Variants in IQCM observed in about 807,000 individuals in gnomAD.
IQCM encodes IQ domain-containing protein M.
Under a neutral mutation model 57.6 loss-of-function variants are expected in IQCM, and 45 were observed. That is an observed-to-expected ratio of 0.78 (90% CI 0.62 to 1.00). The LOEUF (loss-of-function observed/expected upper bound fraction) is 1.00, where lower values mean the gene tolerates loss of function less well. Among genes scored for constraint, IQCM ranks in the 50% least tolerant of loss-of-function variants. The pLI is 0.00. For missense variants in IQCM, 468 were observed against 511.6 expected (o/e 0.91, Z 0.82); for synonymous variants, 148 against 158.9 (o/e 0.93, Z 0.51).
chr4:149,726,103 GAAA>G (rs1765887036), intron 5 of IQCM, among the ~76,000 whole-genome samples: 1 of 142,550 alleles, frequency 7.0e-6, no homozygotes, highest in Non-Finnish European at 1.5e-5. Context: ...AAGAAAGAAA[GAAA>G]GAAAGAAAGA....
chr4:149,662,919 G>A (rs903213675), intron 7 of IQCM, among the ~76,000 whole-genome samples: 1 of 151,852 alleles, frequency 6.6e-6, no homozygotes, highest in Non-Finnish European at 1.5e-5. Flanking sequence ...ATTATTGATA[G>A]ATAAGAACTT....
Position 149,691,279 on chromosome 4 carries a change from T to C in IQCM, c.386-4811A>G, listed in dbSNP as rs574063216. 5.3e-4 allele frequency among the ~76,000 whole-genome samples: 81 copies of C among 152,260 alleles called. 1 individual carries two copies. In the South Asian group the frequency reaches 0.015, roughly 28 times the overall value. On this transcript the variant is annotated intron_variant, in intron 5 of 13. Coordinates refer to ENST00000636793, the MANE Select transcript of IQCM (RefSeq NM_001363507.2). ...TTAGACCATTAGCAATAGGTAGAGA[T>C]GATATTCAAACCCAGGCAGATAGCC... is the stretch of plus-strand genomic sequence containing the variant.
At chr4:149,489,274 T>C (rs929050231) in intron 12 of IQCM, among the ~76,000 whole-genome samples, 3 of 152,104 alleles carry the variant, frequency 2.0e-5, no homozygotes, top group Admixed American at 6.6e-5. Flanking sequence ...ATGTCCAGCA[T>C]AGTCTTCTCA....
chr4:149,474,156 A>G (rs983911590), intron 12 of IQCM, among the ~76,000 whole-genome samples: 2 of 150,726 alleles, frequency 1.3e-5, no homozygotes, highest in Non-Finnish European at 3.0e-5. Context: ...TTGCTAGTCA[A>G]AAAAAAAAGA....
chr4:149,465,126 A>G (rs771886418), intron 12 of IQCM, among the ~76,000 whole-genome samples: 2 of 152,240 alleles, frequency 1.3e-5, no homozygotes, highest in African/African-American at 2.4e-5. Context: ...TATGTCAAGA[A>G]AAATGATATT....
chr4:149,598,364 A>G (rs1300238148), intron 8 of IQCM, among the ~76,000 whole-genome samples: 1 of 152,186 alleles, frequency 6.6e-6, no homozygotes, highest in Non-Finnish European at 1.5e-5. Context: ...TTAAGGTAAA[A>G]TACATTAAAA....
intron 7 of IQCM, among the ~76,000 whole-genome samples, chr4:149,668,245 G>C (rs1197056825): frequency 6.6e-6 from 1 of 152,132 alleles, no homozygotes; most frequent in Non-Finnish European, 1.5e-5. Context: ...GAAACCCTAC[G>C]AGCCAGAAGA....
chr4:149,588,187 C>A (rs530503528), intron 8 of IQCM, among the ~76,000 whole-genome samples, 190 bp from the exon 9 acceptor site: 10 of 151,766 alleles, frequency 6.6e-5, no homozygotes, highest in Admixed American at 1.3e-4. Context: ...CCTTCAGAAC[C>A]TTTTAGCACC....
intron 5 of IQCM, among the ~76,000 whole-genome samples, chr4:149,715,922 C>A (rs999897450): frequency 1.3e-5 from 2 of 152,170 alleles, no homozygotes; most frequent in African/African-American, 4.8e-5. Context: ...GTCCTCTGTC[C>A]AAGTCTGGCT....
At chr4:149,474,141 T>A (rs961426928) in intron 12 of IQCM, among the ~76,000 whole-genome samples, 2 of 147,444 alleles carry the variant, frequency 1.4e-5, no homozygotes, top group African/African-American at 2.5e-5. Flanking sequence ...AATAAATAAA[T>A]AAGATTGCTA....
At chr4:149,433,899 T>C (rs1735107596) in intron 12 of IQCM, among the ~76,000 whole-genome samples, 1 of 152,062 alleles carries the variant, frequency 6.6e-6, no homozygotes, top group Non-Finnish European at 1.5e-5. Context: ...TATTTAACAA[T>C]GGAATCAGAC....
At chr4:149,789,458 A>G (rs2150026107) in intron 2 of IQCM, among the ~76,000 whole-genome samples, 1 of 152,170 alleles carries the variant, frequency 6.6e-6, no homozygotes, top group East Asian at 1.9e-4. Context: ...CAGTCATTCC[A>G]TTTTAATGGT....
chr4:149,630,126 C>T (rs997355790), intron 7 of IQCM, among the ~76,000 whole-genome samples: 2 of 152,154 alleles, frequency 1.3e-5, no homozygotes, highest in African/African-American at 2.4e-5. Flanking sequence ...AGTGAAAACT[C>T]TTGATTAAGA....
intron 7 of IQCM, among the ~76,000 whole-genome samples, chr4:149,643,430 T>TTC (rs1397253154): frequency 6.6e-6 from 1 of 152,174 alleles, no homozygotes; most frequent in Non-Finnish European, 1.5e-5. Context: ...ACAAAGCAAC[T>TTC]CTACCAGAGG....
At chr4:149,507,402 C>T (rs1416244458) in intron 12 of IQCM, among the ~76,000 whole-genome samples, 1 of 152,140 alleles carries the variant, frequency 6.6e-6, no homozygotes, top group African/African-American at 2.4e-5. Context: ...TTTTGAATGG[C>T]TTTGCCCAAA....
At chr4:149,735,771 T>C (rs895244471) in intron 3 of IQCM, among the ~76,000 whole-genome samples, 7 of 152,294 alleles carry the variant, frequency 4.6e-5, no homozygotes, top group African/African-American at 1.7e-4. Flanking sequence ...GTGTTTTCCA[T>C]ACTTGATGAC....
chr4:149,437,590 C>A (rs1248601067), intron 12 of IQCM, among the ~76,000 whole-genome samples: 1 of 151,960 alleles, frequency 6.6e-6, no homozygotes, highest in Non-Finnish European at 1.5e-5. Context: ...CTCTCCCAAA[C>A]AATGTGCTGT....
At chr4:149,360,858 G>A (rs1044217923) in intron 13 of IQCM, among the ~76,000 whole-genome samples, 9 of 152,272 alleles carry the variant, frequency 5.9e-5, no homozygotes, top group South Asian at 4.2e-4. Context: ...AAAGATACCC[G>A]AAAATGTGGA....
intron 7 of IQCM, among the ~76,000 whole-genome samples, chr4:149,631,145 C>T (rs1236182267): frequency 6.6e-6 from 1 of 152,174 alleles, no homozygotes; most frequent in Admixed American, 6.5e-5. Flanking sequence ...ACAAGCATCC[C>T]AGGTATACAA....
Sources: gnomAD v4.1 joint callset for allele counts (sites outside exome capture counted in the v4.1 genomes callset) on GRCh38, gnomAD v4.1.1 for gene constraint, MANE v1.5 for transcripts, NCBI Gene and HGNC (gene_info 2026-07-23, HGNC 2026-07-21) for gene names.